Variants in MEST observed in about 807,000 individuals in gnomAD.
The protein encoded by MEST is mesoderm-specific transcript homolog protein.
In MEST, 18 loss-of-function variants were observed where a neutral mutation model predicts 50.9. That is an observed-to-expected ratio of 0.35 (90% CI 0.24 to 0.52). MEST has a LOEUF of 0.52. Among genes scored for constraint, MEST ranks in the 20% least tolerant of loss-of-function variants. The pLI, the probability that MEST is intolerant of heterozygous loss-of-function variation, is 0.94. For synonymous variants in MEST, 130 were observed against 154.1 expected, an observed-to-expected ratio of 0.84 and a Z score of 1.16; for missense variants, 282 against 425.3, an observed-to-expected ratio of 0.66 and a Z score of 2.96.
chr7:130,504,292 AT>A (rs1217012354), intron 11 of MEST, among the ~76,000 whole-genome samples: 1 of 152,248 alleles, frequency 6.6e-6, no homozygotes, highest in African/African-American at 2.4e-5. Flanking sequence ...GAAAGTGGAT[AT>A]ACCTACAAAG....
chr7:130,488,864 C>T (rs1441794488), upstream of MEST: 2 of 152,174 alleles, frequency 1.3e-5, no homozygotes, highest in East Asian at 3.9e-4. Context: ...ATTTTTGGTA[C>T]TTCCCCTCAG....
intron 9 of MEST, among the ~76,000 whole-genome samples, chr7:130,501,494 A>G (rs572967617): frequency 9.5e-4 from 144 of 152,252 alleles, no homozygotes; most frequent in African/African-American, 3.1e-3. Flanking sequence ...TTAAAATTAT[A>G]TTTTCCTTTC....
chr7:130,490,646 G>A (rs1268548934), upstream of MEST, among the ~76,000 whole-genome samples: 1 of 152,182 alleles, frequency 6.6e-6, no homozygotes. Context: ...ACGTCGCTAG[G>A]AAATTAAAAG....
intron 10 of MEST, among the ~76,000 whole-genome samples, chr7:130,503,051 C>T (rs1799335816): frequency 6.6e-6 from 1 of 152,150 alleles, no homozygotes; most frequent in Non-Finnish European, 1.5e-5. Context: ...TGAGACATTA[C>T]TGTAAAGGTA....
chr7:130,498,083 C>T, intron 4 of MEST, 56 bp from the exon 5 acceptor site: 2 of 1,613,886 alleles, frequency 1.2e-6, no homozygotes, highest in South Asian at 2.2e-5. Context: ...GTCAGGCTGG[C>T]AGAGAGAGCT....
rs1480124479 is a variant in MEST at position 130,502,684 on chromosome 7, C to T, written c.790C>T (p.Arg264Cys). 6.8e-6 allele frequency: 11 copies of T among 1,613,726 alleles called. No individual in the cohort carries two copies. Among genetic ancestry groups the T allele is most frequent in the African/African-American group, 1.3e-5 (1 of 74,868 alleles). The change falls in exon 10 of 12, where the codon CGC becomes TGC. Residue 264 changes from arginine to cysteine, a missense_variant. Physicochemically the swap from Arg to Cys is radical, Grantham distance 180 (BLOSUM62 -3). Transcript: ENST00000223215. ...YINQRKKFRR[R>C]WVGALASVTI... ...CAATCAGAGGAAGAAGTTCAGAAGG[C>T]GCTGGGTGGGAGCTCTTGCCTCTGT...
chr7:130,499,726 T>G, intron 6 of MEST, 149 bp from the exon 7 acceptor site: 1 of 576,358 alleles, frequency 1.7e-6, no homozygotes, highest in South Asian at 2.6e-5. Context: ...GTGAGGTGGC[T>G]TGCACCTGTA....
intron 6 of MEST, among the ~76,000 whole-genome samples, chr7:130,499,228 A>G (rs1324832111): frequency 6.6e-6 from 1 of 152,222 alleles, no homozygotes; most frequent in Non-Finnish European, 1.5e-5. Context: ...CAAGTTCATG[A>G]ATATCCAAAT....
At chr7:130,501,781 G>A (rs1245776253) in intron 9 of MEST, among the ~76,000 whole-genome samples, 6 of 152,166 alleles carry the variant, frequency 3.9e-5, no homozygotes, top group Non-Finnish European at 8.8e-5. Flanking sequence ...CAAGGTGGGC[G>A]AATCATATGA....
At chr7:130,499,973 TG>T in intron 7 of MEST, 58 bp downstream of exon 7, 1 of 1,445,202 alleles carries the variant, frequency 6.9e-7, no homozygotes, top group Non-Finnish European at 9.6e-7. Context: ...TAAATAATGC[TG>T]GGACCTTTTA....
chr7:130,495,211 T>TATAG lies in MEST; in HGVS notation c.27-157_27-156insATAG, dbSNP rs1798999251. 21 of 642,550 alleles carry TATAG rather than the reference T, an allele frequency of 3.3e-5. No individual in the cohort carries two copies. In the South Asian group the frequency reaches 5.8e-4, roughly 18 times the overall value. The allele number at this position is 642,550 out of a possible 1,614,324, so 39.8% of individuals were successfully genotyped here. ...GGTGAGTGCTATGGCAGACAGAGGT[T>TATAG]TGATTATAGTCTCGGTCAGCTTTGT... On this transcript the variant is annotated intron_variant, in intron 1 of 11. Transcript: ENST00000223215.
intron 11 of MEST, 139 bp downstream of exon 11, chr7:130,504,135 A>C (rs1554439243): frequency 1.5e-6 from 1 of 651,284 alleles, no homozygotes; most frequent in Non-Finnish European, 2.7e-6. Context: ...CAATAAAAAG[A>C]TTGAGTTGAG....
In MEST at chr7:130,492,394, C is replaced by G; in HGVS notation, c.26+55C>G. Reference sequence around the variant, plus strand: ...GGCTGGCGGCCCTGGGACTAGGGCGCAGGCGAGCGGAGGACTGTGTGCCCG... The same window carrying G: ...GGCTGGCGGCCCTGGGACTAGGGCGGAGGCGAGCGGAGGACTGTGTGCCCG... On this transcript the variant is annotated intron_variant, in intron 1 of 11. Transcript: ENST00000223215. The surrounding 1 kb of genome is among the most constrained non-coding windows in gnomAD (Gnocchi z 7.6). The G allele has an allele frequency of 8.0e-7, 1 of 1,244,212 alleles. No individual in the cohort carries two copies. Among genetic ancestry groups the G allele is most frequent in the Non-Finnish European group, 1.0e-6 (1 of 984,874 alleles). 77.1% of individuals were successfully genotyped at this position (1,244,212 alleles called of 1,614,324 possible).
In MEST at chr7:130,505,147, G is replaced by A; in HGVS notation, c.*91G>A. ...GAAGAAATGCCCAAAAGAGGTCCTG[G>A]CCATCAAACATAATTCTCTCACAAA... is the stretch of plus-strand genomic sequence containing the variant. On this transcript the variant is annotated 3_prime_UTR_variant, in exon 12 of 12. Coordinates refer to ENST00000223215, the MANE Select transcript of MEST (RefSeq NM_002402.4). The A allele has an allele frequency of 3.2e-6, 3 of 941,792 alleles. No individual in the cohort carries two copies. The highest frequency in any genetic ancestry group is 5.1e-6 in the Non-Finnish European group (3 of 593,744). 58.3% of individuals were successfully genotyped at this position (941,792 alleles called of 1,614,324 possible). A position where few individuals can be genotyped will look rare whatever the true frequency, so the allele number is the denominator to read the frequency against.
intron 9 of MEST, 71 bp from the exon 10 acceptor site, chr7:130,502,573 C>T (rs186120431): frequency 1.6e-5 from 18 of 1,139,466 alleles, no homozygotes; most frequent in Middle Eastern, 2.5e-4. Flanking sequence ...CCTTGTGGCT[C>T]GTTATGCCCT....
chr7:130,495,885 GATT>G (rs1350945932), intron 2 of MEST: 2 of 287,018 alleles, frequency 7.0e-6, no homozygotes, highest in African/African-American at 2.4e-5. Context: ...TTTTTCTGTA[GATT>G]ATTTGTAGTG....
chr7:130,497,038 T>G lies in MEST; in HGVS notation c.182-118T>G. On this transcript the variant is annotated intron_variant, in intron 2 of 11. Coordinates refer to ENST00000223215, the MANE Select transcript of MEST (RefSeq NM_002402.4). This position sits in a 1 kb window ranked among gnomAD's most constrained non-coding sequence, Gnocchi z 4.0. ...ACATTTTACAAATAATTGTGTCATT[T>G]TAATGTCAATTTGGTCACAGTTGCT... The G allele has an allele frequency of 1.4e-6, 1 of 731,350 alleles. No individual in the cohort carries two copies. The highest frequency in any genetic ancestry group is 2.1e-5 in the South Asian group (1 of 47,458). The allele number at this position is 731,350 out of a possible 1,614,324, so 45.3% of individuals were successfully genotyped here.
At chr7:130,490,301 C>T (rs2116212621), upstream of MEST, among the ~76,000 whole-genome samples, 1 of 152,320 alleles carries the variant, frequency 6.6e-6, no homozygotes, top group African/African-American at 2.4e-5. Flanking sequence ...CTCTTGCTAT[C>T]CTAATTTTTT....
At chr7:130,499,839 C>A in intron 6 of MEST, 36 bp from the exon 7 acceptor site, 1 of 1,560,808 alleles carries the variant, frequency 6.4e-7, no homozygotes, top group South Asian at 1.2e-5. Flanking sequence ...AAAATTAAAG[C>A]TGTAGGTAAA....
Sources: gnomAD v4.1 joint callset for allele counts (sites outside exome capture counted in the v4.1 genomes callset) on GRCh38, gnomAD v4.1.1 for gene constraint, Gnocchi (gnomAD v3.1) non-coding constraint, MANE v1.5 for transcripts, NCBI Gene and HGNC (gene_info 2026-07-23, HGNC 2026-07-21) for gene names.